The following IL27 variants were observed in gnomAD, a reference collection of about 807,000 sequenced individuals.
IL27 encodes the protein interleukin 27, also known as interleukin-27 subunit alpha.
A neutral mutation model predicts 27.0 loss-of-function variants in IL27; 11 were observed. That is an observed-to-expected ratio of 0.41 (90% CI 0.26 to 0.67). The LOEUF (loss-of-function observed/expected upper bound fraction) is 0.67, where lower values mean the gene tolerates loss of function less well. Ranked by LOEUF, IL27 falls within the 30% of genes least tolerant of loss-of-function variation. The probability of loss-of-function intolerance (pLI) is 0.34; values close to 1 mark genes in which losing one functional copy is unlikely to be tolerated. For synonymous variants in IL27, 134 were observed against 140.6 expected (o/e 0.95, Z 0.33); for missense variants, 299 against 310.4 (o/e 0.96, Z 0.28).
chr16:28,500,335 G>A (rs2046423354), intron 4 of IL27, among the ~76,000 whole-genome samples: 1 of 151,808 alleles, frequency 6.6e-6, no homozygotes, highest in Non-Finnish European at 1.5e-5. Flanking sequence ...AGTGCAGTGG[G>A]GTGATCACGG....
Position 28,502,025 on chromosome 16 carries a change from C to T in IL27, c.413G>A (p.Trp138Ter), listed in dbSNP as rs2046435154. ...RWTNMERMQL[W>*]AMRLDLRDLQ... The stretch of plus-strand genomic sequence containing the variant: ...ATCGCGGAGGTCCAGCCTCATGGCC[C>T]ACAGCTGCATCCTCTCCATGTTGGT... Residue 138 changes from tryptophan to a stop codon, truncating the protein, a stop_gained, in exon 4 of 5, where the codon TGG (tryptophan) becomes TAG (stop). Transcript: ENST00000356897. LOFTEE classifies it high-confidence loss of function. 6.2e-7 allele frequency: 1 copy of T among 1,612,636 alleles called. No individual in the cohort carries two copies. The highest frequency in any genetic ancestry group is 1.1e-5 in the South Asian group (1 of 91,068).
intron 3 of IL27, among the ~76,000 whole-genome samples, chr16:28,502,791 C>T (rs558883986): frequency 1.3e-5 from 2 of 152,248 alleles, no homozygotes; most frequent in South Asian, 2.1e-4. Flanking sequence ...CTTACCTCTT[C>T]CCAACCCCAC....
chr16:28,503,983 T>C lies in IL27; in HGVS notation c.99A>G (p.Pro33=), dbSNP rs574810166. The change falls in exon 2 of 5, where the codon CCA becomes CCG. Residue 33 remains proline, a synonymous_variant. Transcript: ENST00000356897. ...QAGVWGFPRP[P]GRPQLSLQEL... Reference sequence around the variant, plus strand: ...CCTGCAGGCTCAGCTGGGGCCTCCCTGGGGGCCTTGGGAATCCCCAGACAC... The same window carrying C: ...CCTGCAGGCTCAGCTGGGGCCTCCCCGGGGGCCTTGGGAATCCCCAGACAC... The C allele has an allele frequency of 3.2e-5, 52 of 1,613,856 alleles. No homozygotes were observed. In the East Asian group the frequency reaches 1.1e-3, roughly 34 times the overall value.
chr16:28,501,739 ACT>A (rs1433293487), intron 4 of IL27, among the ~76,000 whole-genome samples: 2 of 135,788 alleles, frequency 1.5e-5, no homozygotes, highest in Non-Finnish European at 3.3e-5. Flanking sequence ...ACAGACCCAC[ACT>A]CACACACTCT....
intron 3 of IL27, among the ~76,000 whole-genome samples, 182 bp downstream of exon 3, chr16:28,503,513 A>G (rs543647644): frequency 4.6e-5 from 7 of 152,320 alleles, no homozygotes; most frequent in African/African-American, 1.7e-4. Context: ...TGGGCCTCCC[A>G]AAGTGCTGGG....
At chr16:28,505,532 G>A (rs574954610) in intron 1 of IL27, among the ~76,000 whole-genome samples, 63 of 152,196 alleles carry the variant, frequency 4.1e-4, no homozygotes, top group African/African-American at 1.4e-3. Context: ...TGGCCAGGCT[G>A]GTCTCCAACT....
chr16:28,499,496 A>G lies in IL27; in HGVS notation c.*155T>C, dbSNP rs1421419825. The G allele has an allele frequency of 1.7e-6, 1 of 593,684 alleles. No individual in the cohort carries two copies. The highest frequency in any genetic ancestry group is 1.9e-5 in the African/African-American group (1 of 53,768). 36.8% of individuals were successfully genotyped at this position (593,684 alleles called of 1,614,324 possible). A position where few individuals can be genotyped will look rare whatever the true frequency, so the allele number is the denominator to read the frequency against. On this transcript the variant is annotated 3_prime_UTR_variant, in exon 5 of 5. Coordinates refer to ENST00000356897, the MANE Select transcript of IL27 (RefSeq NM_145659.3). ...TCCAAGAAATAAATAGCTGGCGAGG[A>G]CCAGAGGGGCTTTCAGTTACTGGGT...
chr16:28,504,377 T>C (rs910378900), intron 1 of IL27, among the ~76,000 whole-genome samples: 1 of 151,826 alleles, frequency 6.6e-6, no homozygotes, highest in Non-Finnish European at 1.5e-5. Context: ...ACTCAGGAGG[T>C]TGAGGCAGGA....
chr16:28,503,342 T>C lies in IL27; in HGVS notation c.303+353A>G, dbSNP rs935563755. On this transcript the variant is annotated intron_variant, in intron 3 of 4. Coordinates refer to ENST00000356897, the MANE Select transcript of IL27 (RefSeq NM_145659.3). ...ATAACTCACTGCAGCCTCCAACTCC[T>C]GAGCTCAAGCAATCCTCCCATGTCA... Among the ~76,000 whole-genome samples the C allele has an allele frequency of 3.3e-5, 5 of 152,256 alleles. No individual in the cohort carries two copies. In the South Asian group the frequency reaches 6.2e-4, roughly 19 times the overall value.
At position 28,503,949 on chromosome 16, in the gene IL27, T is replaced by G. The variant is rs2046447978; in HGVS notation, c.133A>C (p.Arg45=). 1 of 1,614,034 alleles carries G rather than the reference T, an allele frequency of 6.2e-7. No individual in the cohort carries two copies. Among genetic ancestry groups the G allele is most frequent in the Non-Finnish European group, 8.5e-7 (1 of 1,180,024 alleles). ...RPQLSLQELR[R]EFTVSLHLAR... is the part of the protein sequence containing the mutation. ...AGATGCAGGCTGACTGTGAACTCCC[T>G]CCGCAGCTCCTGCAGGCTCAGCTGG... is the stretch of plus-strand genomic sequence containing the variant. The change falls in exon 2 of 5, where the codon AGG becomes CGG. Residue 45 remains arginine, a synonymous_variant. Transcript: ENST00000356897.
intron 1 of IL27, among the ~76,000 whole-genome samples, chr16:28,506,539 C>T (rs1442721138): frequency 6.6e-6 from 1 of 152,112 alleles, no homozygotes; most frequent in Non-Finnish European, 1.5e-5. Context: ...TCCAACCCTC[C>T]CCATTCCCAC....
chr16:28,501,912 T>C (rs2046434090), intron 4 of IL27, 64 bp downstream of exon 4: 1 of 1,544,598 alleles, frequency 6.5e-7, no homozygotes, highest in African/African-American at 1.3e-5. Flanking sequence ...ATGGGATCAC[T>C]GAATGAGCCA....
chr16:28,505,623 T>C (rs1266444280), intron 1 of IL27, among the ~76,000 whole-genome samples: 1 of 152,126 alleles, frequency 6.6e-6, no homozygotes, highest in Non-Finnish European at 1.5e-5. Context: ...CAGCCCAGAA[T>C]GGCTGAATTC....
chr16:28,502,853 C>T (rs769854669), intron 3 of IL27, among the ~76,000 whole-genome samples: 3 of 152,182 alleles, frequency 2.0e-5, no homozygotes, highest in South Asian at 2.1e-4. Flanking sequence ...GATGGAGTCT[C>T]GCTCTGTTGC....
At chr16:28,501,197 A>G (rs2046426843) in intron 4 of IL27, among the ~76,000 whole-genome samples, 1 of 151,790 alleles carries the variant, frequency 6.6e-6, no homozygotes, top group Non-Finnish European at 1.5e-5. Context: ...TCAGAAAAAA[A>G]AAAAAATCGT....
Position 28,502,130 on chromosome 16 carries a change from G to A in IL27, c.308C>T (p.Pro103Leu), listed in dbSNP as rs369541432. ...TFQAWRRLSD[P>L]ERLCFISTTL... The stretch of plus-strand genomic sequence containing the variant: ...GGTGGAGATGAAGCAGAGACGCTCC[G>A]GGTCCTGAAGGGGAGGGAGATGGTC... Residue 103 changes from proline to leucine, a missense_variant, in exon 4 of 5, where the codon CCG becomes CTG. Physicochemically the swap from Pro to Leu is moderately conservative, Grantham distance 98. Coordinates refer to ENST00000356897, the MANE Select transcript of IL27 (RefSeq NM_145659.3). The A allele has an allele frequency of 2.4e-5, 38 of 1,596,940 alleles. No individual in the cohort carries two copies. The African/African-American group carries it at 2.5e-4, about 11-fold the overall frequency.
chr16:28,502,065 T>A lies in IL27; in HGVS notation c.373A>T (p.Thr125Ser). Residue 125 changes from threonine to serine, a missense_variant, in exon 4 of 5, where the codon ACC becomes TCC. By Grantham distance (58) the Thr-to-Ser change is moderately conservative (BLOSUM62 1). Coordinates refer to ENST00000356897, the MANE Select transcript of IL27 (RefSeq NM_145659.3). ...PFHALLGGLG[T>S]QGRWTNMERM... ...TCCATGTTGGTCCAGCGGCCCTGGG[T>A]CCCCAGCCCTCCCAGCAGGGCATGG... 1 of 1,613,464 alleles carries A rather than the reference T, an allele frequency of 6.2e-7. No individual in the cohort carries two copies. Among genetic ancestry groups the A allele is most frequent in the South Asian group, 1.1e-5 (1 of 91,064 alleles).
In IL27 at chr16:28,505,475, G is replaced by A. The variant is rs146728268; in HGVS notation, c.31+1306C>T. On this transcript the variant is annotated intron_variant, in intron 1 of 4. Transcript: ENST00000356897. The stretch of plus-strand genomic sequence containing the variant: ...CCTCAGCCTCCTGAGTAGCCACCAC[G>A]CCTGGCTAATTTTTATTATATTTAG... Among the ~76,000 whole-genome samples the A allele has an allele frequency of 5.5e-3, 830 of 152,080 alleles. 7 individuals carry two copies. Among genetic ancestry groups the A allele is most frequent in the African/African-American group, 0.019 (794 of 41,506 alleles).
intron 1 of IL27, among the ~76,000 whole-genome samples, chr16:28,506,314 C>T (rs995826226): frequency 2.0e-5 from 3 of 152,166 alleles, no homozygotes; most frequent in Admixed American, 6.6e-5. Context: ...AGCCACCAGC[C>T]GCAGATTGGA....
Sources: gnomAD v4.1 joint callset for allele counts (sites outside exome capture counted in the v4.1 genomes callset) on GRCh38, gnomAD v4.1.1 for gene constraint, MANE v1.5 for transcripts, NCBI Gene and HGNC (gene_info 2026-07-23, HGNC 2026-07-21) for gene names.